Variants in RFX8 observed in about 807,000 individuals in gnomAD.
RFX8 encodes the protein regulatory factor X8.
Under a neutral mutation model 54.6 loss-of-function variants are expected in RFX8, and 46 were observed. The observed-to-expected ratio is 0.84, with a 90% CI of 0.67 to 1.08. RFX8 has a LOEUF of 1.08. Ranked by LOEUF, RFX8 falls within the 50% of genes least tolerant of loss-of-function variation. The pLI is 0.00. For missense variants in RFX8, 536 were observed against 562.3 expected, an observed-to-expected ratio of 0.95 and a Z score of 0.47; for synonymous variants, 192 against 209.5, an observed-to-expected ratio of 0.92 and a Z score of 0.72.
intron 3 of RFX8, 102 bp from the exon 4 acceptor site, chr2:101,421,879 A>G: frequency 1.2e-6 from 1 of 839,464 alleles, no homozygotes; most frequent in Non-Finnish European, 1.9e-6. Flanking sequence ...TCTTGTTGCA[A>G]TTCTCAAATG....
intron 2 of RFX8, among the ~76,000 whole-genome samples, chr2:101,429,247 C>T (rs6543048): frequency 1 from 151,782 of 152,362 alleles, 75,616 homozygotes; most frequent in Middle Eastern, 1. Context: ...GGTTTCTTTC[C>T]TTCAGAAGCA....
chr2:101,417,785 G>T, intron 5 of RFX8, 101 bp from the exon 6 acceptor site: 1 of 955,482 alleles, frequency 1.0e-6, no homozygotes, highest in Non-Finnish European at 1.5e-6. Context: ...AGAAGTCTGA[G>T]AGCGGGTCCC....
chr2:101,461,569 T>G (rs1156392370), intron 2 of RFX8, among the ~76,000 whole-genome samples: 4 of 152,082 alleles, frequency 2.6e-5, no homozygotes, highest in African/African-American at 9.7e-5. Flanking sequence ...AAAGCAGAAG[T>G]AAAGTGCCTG....
intron 2 of RFX8, among the ~76,000 whole-genome samples, chr2:101,430,988 G>T (rs2037082): frequency 6.6e-6 from 1 of 152,026 alleles, no homozygotes; most frequent in Non-Finnish European, 1.5e-5. Flanking sequence ...CAACTAAATT[G>T]GAGGAAGGGC....
chr2:101,461,076 G>A (rs1689247100), intron 2 of RFX8, among the ~76,000 whole-genome samples: 1 of 151,266 alleles, frequency 6.6e-6, no homozygotes, highest in Admixed American at 6.6e-5. Context: ...AGACCATCCT[G>A]GTTAACATGG....
At chr2:101,473,474 T>G (rs1178912758) in intron 1 of RFX8, among the ~76,000 whole-genome samples, 1 of 152,212 alleles carries the variant, frequency 6.6e-6, no homozygotes, top group Non-Finnish European at 1.5e-5. Flanking sequence ...TGGTAACTGT[T>G]TAGGCCTGCC....
intron 5 of RFX8, 141 bp from the exon 6 acceptor site, chr2:101,417,825 A>G (rs1406330791): frequency 9.3e-6 from 5 of 536,288 alleles, no homozygotes; most frequent in African/African-American, 5.9e-5. Flanking sequence ...GCACCATGCA[A>G]CGTGGCCACT....
At chr2:101,424,830 C>A (rs1687086050) in intron 2 of RFX8, among the ~76,000 whole-genome samples, 1 of 152,184 alleles carries the variant, frequency 6.6e-6, no homozygotes, top group East Asian at 1.9e-4. Flanking sequence ...AACACTTGGA[C>A]ACAGGGCGGG....
In RFX8 at chr2:101,474,123, G is replaced by A; in HGVS notation, c.-53+513C>T. 4 of 540,424 alleles carry A rather than the reference G, an allele frequency of 7.4e-6. No homozygotes were observed. The South Asian group carries it at 9.3e-5, about 13-fold the overall frequency. The allele number at this position is 540,424 out of a possible 1,614,324, so 33.5% of individuals were successfully genotyped here. A position where few individuals can be genotyped will look rare whatever the true frequency, so the allele number is the denominator to read the frequency against. ...CCGGCTTTGACCCGGCGTCCCGAGG[G>A]CAGCCGTAGCGGGAACCACGCTTCC... On this transcript the variant is annotated intron_variant, in intron 1 of 11. Transcript: ENST00000428343.
At chr2:101,431,599 C>G (rs1424976369) in intron 2 of RFX8, among the ~76,000 whole-genome samples, 1 of 152,182 alleles carries the variant, frequency 6.6e-6, no homozygotes, top group Non-Finnish European at 1.5e-5. Context: ...GCTAGAATGT[C>G]TGGTTTCAGA....
intron 9 of RFX8, among the ~76,000 whole-genome samples, chr2:101,407,768 C>G (rs1685827850): frequency 6.6e-6 from 1 of 152,126 alleles, no homozygotes. Context: ...CCAGGGCTTT[C>G]TCTGCACAAA....
At chr2:101,473,599 T>C (rs1174257951) in intron 1 of RFX8, among the ~76,000 whole-genome samples, 1 of 152,234 alleles carries the variant, frequency 6.6e-6, no homozygotes, top group East Asian at 1.9e-4. Context: ...TACTCTGTTA[T>C]ATAACAGTTA....
At chr2:101,462,489 T>C (rs1381436589) in intron 2 of RFX8, among the ~76,000 whole-genome samples, 1 of 152,190 alleles carries the variant, frequency 6.6e-6, no homozygotes, top group Non-Finnish European at 1.5e-5. Context: ...ATTTCACAGC[T>C]ATTATACAAG....
intron 9 of RFX8, among the ~76,000 whole-genome samples, chr2:101,409,214 TTTTGTTTGTTTG>T (rs374275723): frequency 6.6e-6 from 1 of 151,922 alleles, no homozygotes; most frequent in Admixed American, 6.6e-5. Flanking sequence ...CTCTAGGTGT[TTTTGTTTGTTTG>T]TTTGTTTGTT....
At chr2:101,406,081 A>T (rs1303825716) in intron 9 of RFX8, 24 bp from the exon 10 acceptor site, 1 of 1,360,860 alleles carries the variant, frequency 7.3e-7, no homozygotes, top group Non-Finnish European at 1.0e-6. Flanking sequence ...GTGAGAAAAA[A>T]GGCTGCAGTT....
intron 9 of RFX8, among the ~76,000 whole-genome samples, chr2:101,407,896 G>C (rs551186313): frequency 4.1e-4 from 62 of 152,292 alleles, no homozygotes; most frequent in African/African-American, 1.4e-3. Flanking sequence ...TCTGCTCGCT[G>C]ACTGCCAGAT....
intron 2 of RFX8, among the ~76,000 whole-genome samples, chr2:101,451,721 C>T (rs1688693554): frequency 1.3e-5 from 2 of 150,186 alleles, no homozygotes; most frequent in Non-Finnish European, 3.0e-5. Context: ...AGTAATATAG[C>T]CTCGGGACCG....
At chr2:101,459,252 T>C (rs1689140439) in intron 2 of RFX8, among the ~76,000 whole-genome samples, 1 of 152,200 alleles carries the variant, frequency 6.6e-6, no homozygotes, top group African/African-American at 2.4e-5. Context: ...TTTTGTTCCG[T>C]TGCTGGCGAG....
In RFX8 at chr2:101,402,677, T is replaced by A; in HGVS notation, c.1004A>T (p.Glu335Val). The A allele has an allele frequency of 1.3e-6, 2 of 1,555,244 alleles. No homozygotes were observed. The highest frequency in any genetic ancestry group is 1.7e-6 in the Non-Finnish European group (2 of 1,148,612). The change falls in exon 11 of 12, where the codon GAG becomes GTG. Residue 335 changes from glutamate (E) to valine (V), a missense_variant. Coordinates refer to ENST00000428343, the MANE Select transcript of RFX8 (RefSeq NM_001145664.2). ...GACAGTCCCCATGTCCTCCTCCTCC[T>A]CTTCCTCCTCTAGGCATGACTGAAG... The part of the protein sequence containing the change: ...HILQSCLEEE[E>V]EEEDMGTVKE...
Sources: allele counts gnomAD v4.1 joint callset (sites outside exome capture counted in the v4.1 genomes callset), GRCh38; gene constraint gnomAD v4.1.1; transcripts MANE v1.5; gene names NCBI Gene and HGNC (gene_info 2026-07-23, HGNC 2026-07-21).